The following CNTN5 variants were observed in gnomAD, a reference collection of about 807,000 sequenced individuals.
The protein encoded by CNTN5 is contactin-5.
CNTN5 carries 77 observed loss-of-function variants against 129.1 expected under a neutral mutation model. The observed-to-expected ratio is 0.60, with a 90% CI of 0.50 to 0.72. The LOEUF (loss-of-function observed/expected upper bound fraction) is 0.72. CNTN5 is among the 30% of genes least tolerant of loss of function. CNTN5 has a pLI of 0.00. For synonymous variants in CNTN5, 509 were observed against 465.6 expected (o/e 1.09, Z -1.20); for missense variants, 1,478 against 1,328.8 (o/e 1.11, Z -1.75).
intron 13 of CNTN5, among the ~76,000 whole-genome samples, chr11:100,142,313 T>C (rs1402793878): frequency 6.6e-6 from 1 of 152,186 alleles, no homozygotes; most frequent in African/African-American, 2.4e-5. Flanking sequence ...TTCTATGTTA[T>C]CCGTCTGTCT....
intron 3 of CNTN5, among the ~76,000 whole-genome samples, chr11:99,728,858 T>C (rs914943233): frequency 6.6e-6 from 1 of 152,172 alleles, no homozygotes; most frequent in Non-Finnish European, 1.5e-5. Context: ...ATTTTGAGCA[T>C]ACAGTAGAGC....
intron 9 of CNTN5, among the ~76,000 whole-genome samples, chr11:100,006,729 A>G (rs1348779383): frequency 6.6e-6 from 1 of 151,318 alleles, no homozygotes; most frequent in African/African-American, 2.4e-5. Context: ...AATTCCTATT[A>G]ATATTTTGAC....
intron 1 of CNTN5, among the ~76,000 whole-genome samples, chr11:99,260,402 A>T (rs562413791): frequency 1.3e-5 from 2 of 151,996 alleles, no homozygotes; most frequent in South Asian, 4.1e-4. Context: ...ATGGAATTTT[A>T]AAAATATTTT....
intron 1 of CNTN5, among the ~76,000 whole-genome samples, chr11:99,137,987 A>T (rs1319786284): frequency 1.3e-5 from 2 of 152,308 alleles, no homozygotes; most frequent in African/African-American, 4.8e-5. Flanking sequence ...TTTTCCATTA[A>T]TTTAAAACAC....
chr11:99,688,050 A>T (rs974521406), intron 3 of CNTN5, among the ~76,000 whole-genome samples: 28 of 152,146 alleles, frequency 1.8e-4, no homozygotes, highest in African/African-American at 6.3e-4. Context: ...TGGTTAGTAA[A>T]CTACTTGTTT....
chr11:99,918,099 A>G (rs1949841337), intron 7 of CNTN5, among the ~76,000 whole-genome samples: 1 of 152,082 alleles, frequency 6.6e-6, no homozygotes, highest in Non-Finnish European at 1.5e-5. Context: ...ATGTCATGGA[A>G]ATCTACAAAT....
At position 99,092,357 on chromosome 11, in the gene CNTN5, C is replaced by G. The variant is rs1042015595; in HGVS notation, c.-210+71087C>G. Among the ~76,000 whole-genome samples the G allele has an allele frequency of 3.3e-5, 5 of 151,902 alleles. No individual in the cohort carries two copies. The East Asian group carries it at 9.6e-4, about 29-fold the overall frequency. On this transcript the variant is annotated intron_variant, in intron 1 of 24. Transcript: ENST00000524871. ...CAGAGTACTTGGGTATTCTGTGTAT[C>G]TCCTAAATATCTGAGCTTATATATG...
chr11:100,234,671 G>A (rs1262192076), intron 16 of CNTN5, among the ~76,000 whole-genome samples: 2 of 151,544 alleles, frequency 1.3e-5, no homozygotes, highest in East Asian at 1.9e-4. Context: ...GGGGCTAGGG[G>A]AGGGATAGCA....
chr11:99,444,222 A>AAGAG (rs988488206), intron 2 of CNTN5, among the ~76,000 whole-genome samples: 1 of 151,650 alleles, frequency 6.6e-6, no homozygotes, highest in Non-Finnish European at 1.5e-5. Flanking sequence ...GAGAGAGAGA[A>AAGAG]AGAGAGAGAG....
intron 1 of CNTN5, among the ~76,000 whole-genome samples, chr11:99,194,843 A>C (rs886607140): frequency 6.6e-6 from 1 of 152,078 alleles, no homozygotes; most frequent in African/African-American, 2.4e-5. Context: ...GAGCTCAGGC[A>C]ATCCACCCGC....
intron 7 of CNTN5, among the ~76,000 whole-genome samples, chr11:99,946,141 T>G (rs1377771670): frequency 6.6e-6 from 1 of 152,142 alleles, no homozygotes; most frequent in African/African-American, 2.4e-5. Context: ...GTGAATAAAT[T>G]TATTCACCTA....
intron 6 of CNTN5, among the ~76,000 whole-genome samples, chr11:99,898,215 A>G (rs912791249): frequency 1.3e-5 from 2 of 152,128 alleles, no homozygotes; most frequent in African/African-American, 4.8e-5. Context: ...AAAAAATACT[A>G]GAGCAGAACT....
chr11:100,236,727 C>T (rs1173774749), intron 16 of CNTN5, among the ~76,000 whole-genome samples: 8 of 152,104 alleles, frequency 5.3e-5, no homozygotes, highest in African/African-American at 1.9e-4. Flanking sequence ...AGCTATTCTC[C>T]CCCGAAGCTA....
chr11:99,795,376 C>T (rs1326400936), intron 3 of CNTN5, among the ~76,000 whole-genome samples: 2 of 152,114 alleles, frequency 1.3e-5, no homozygotes, highest in Non-Finnish European at 2.9e-5. Context: ...TCCTGAATCT[C>T]AGTGATCTTT....
At chr11:99,600,866 T>G (rs993809518) in intron 3 of CNTN5, among the ~76,000 whole-genome samples, 4 of 152,204 alleles carry the variant, frequency 2.6e-5, no homozygotes, top group African/African-American at 9.6e-5. Flanking sequence ...TCAAAGGTAT[T>G]TTGGGTCCAG....
chr11:99,793,439 A>G (rs1253998114), intron 3 of CNTN5, among the ~76,000 whole-genome samples: 1 of 151,968 alleles, frequency 6.6e-6, no homozygotes, highest in African/African-American at 2.4e-5. Flanking sequence ...AGTGTCCTTC[A>G]TTTCAGCTCT....
chr11:100,209,165 G>C (rs1344310767), intron 15 of CNTN5, among the ~76,000 whole-genome samples: 1 of 152,140 alleles, frequency 6.6e-6, no homozygotes, highest in Non-Finnish European at 1.5e-5. Context: ...CATTACTGTA[G>C]CAATCTACCA....
At chr11:99,972,203 G>A (rs971592912) in intron 8 of CNTN5, among the ~76,000 whole-genome samples, 5 of 152,048 alleles carry the variant, frequency 3.3e-5, no homozygotes, top group Admixed American at 6.6e-5. Flanking sequence ...GGAGCTTGCC[G>A]TGAGCCGAGA....
intron 7 of CNTN5, among the ~76,000 whole-genome samples, chr11:99,933,093 ATAGT>A (rs1160035786): frequency 1.3e-5 from 2 of 152,284 alleles, no homozygotes; most frequent in South Asian, 2.1e-4. Flanking sequence ...CCCACTTTAA[ATAGT>A]TAATTTTGTA....
Sources: gnomAD v4.1 joint callset for allele counts (sites outside exome capture counted in the v4.1 genomes callset) on GRCh38, gnomAD v4.1.1 for gene constraint, MANE v1.5 for transcripts, NCBI Gene and HGNC (gene_info 2026-07-23, HGNC 2026-07-21) for gene names.